The following TMEM117 variants were observed in gnomAD, a reference collection of about 807,000 sequenced individuals.
The protein encoded by TMEM117 is transmembrane protein 117.
Under a neutral mutation model 52.4 loss-of-function variants are expected in TMEM117, and 27 were observed. That is an observed-to-expected ratio of 0.51 (90% CI 0.38 to 0.71). The LOEUF (loss-of-function observed/expected upper bound fraction) is 0.71. Among genes scored for constraint, TMEM117 ranks in the 30% least tolerant of loss-of-function variants. The probability of loss-of-function intolerance (pLI) is 0.00; values close to 1 mark genes in which losing one functional copy is unlikely to be tolerated. For missense variants in TMEM117, 556 were observed against 630.5 expected, an observed-to-expected ratio of 0.88 and a Z score of 1.26; for synonymous variants, 215 against 206.3, an observed-to-expected ratio of 1.04 and a Z score of -0.36.
chr12:44,159,732 A>G (rs1439281006), intron 4 of TMEM117, among the ~76,000 whole-genome samples: 1 of 152,188 alleles, frequency 6.6e-6, no homozygotes, highest in African/African-American at 2.4e-5. Context: ...CTCCGTAAAC[A>G]TGCCATTAAA....
rs11608369 is a variant in TMEM117, at chr12:44,213,252, C to G, written c.608+1865C>G. 6.2e-3 allele frequency among the ~76,000 whole-genome samples: 939 copies of G among 152,242 alleles called. 12 individuals carry two copies. Among genetic ancestry groups the G allele is most frequent in the Non-Finnish European group, 6.0e-3 (406 of 68,022 alleles). On this transcript the variant is annotated intron_variant, in intron 5 of 7. Transcript: ENST00000266534. ...TTGTTATAGGCATAGTTCTCTGACT[C>G]CAGAGCCCTAGTTTGTAATTATTAC...
At chr12:44,253,101 ATATGT>A (rs1473532828) in intron 5 of TMEM117, among the ~76,000 whole-genome samples, 5 of 152,206 alleles carry the variant, frequency 3.3e-5, no homozygotes, top group Admixed American at 3.3e-4. Flanking sequence ...GTTTAAAATG[ATATGT>A]TTCTAACATT....
chr12:43,838,925 A>G (rs1007179937), intron 1 of TMEM117, among the ~76,000 whole-genome samples: 6 of 152,090 alleles, frequency 3.9e-5, no homozygotes, highest in Non-Finnish European at 7.4e-5. Context: ...AAAAGCACTA[A>G]AAAGTGTTAA....
chr12:44,210,245 G>A (rs7961974), intron 4 of TMEM117, among the ~76,000 whole-genome samples: 36,810 of 151,954 alleles, frequency 0.24, 7,882 homozygotes, highest in African/African-American at 0.58. Flanking sequence ...TTTTCTGGGA[G>A]TGGAAAAAAT....
intron 2 of TMEM117, among the ~76,000 whole-genome samples, chr12:43,902,198 A>C (rs1944315236): frequency 6.6e-6 from 1 of 152,198 alleles, no homozygotes; most frequent in African/African-American, 2.4e-5. Context: ...CATGTCCTTG[A>C]GTGAGGGAGG....
At chr12:44,374,671 A>T (rs377250089) in intron 6 of TMEM117, among the ~76,000 whole-genome samples, 4 of 147,286 alleles carry the variant, frequency 2.7e-5, no homozygotes, top group African/African-American at 5.1e-5. Context: ...TGTGTATGAG[A>T]TTTTTATCAT....
chr12:44,058,333 A>G lies in TMEM117; in HGVS notation c.411-85192A>G, dbSNP rs559452012. ...TGAAACCTGTATTTTCTGGCTGAAC[A>G]TGATCTTCTGTAATCACAATAGAAA... On this transcript the variant is annotated intron_variant, in intron 3 of 7. Coordinates refer to ENST00000266534, the MANE Select transcript of TMEM117 (RefSeq NM_032256.3). Among the ~76,000 whole-genome samples the G allele has an allele frequency of 8.3e-4, 127 of 152,328 alleles. 1 individual carries two copies. The highest frequency in any genetic ancestry group is 2.9e-3 in the African/African-American group (120 of 41,586).
intron 3 of TMEM117, among the ~76,000 whole-genome samples, chr12:44,010,513 T>C (rs1946273051): frequency 1.3e-5 from 2 of 151,674 alleles, no homozygotes; most frequent in Admixed American, 1.3e-4. Context: ...CCAGATTCAC[T>C]ATTCCTCGGT....
intron 3 of TMEM117, among the ~76,000 whole-genome samples, chr12:44,127,336 C>T (rs1420563920): frequency 2.6e-5 from 4 of 151,450 alleles, no homozygotes; most frequent in African/African-American, 4.9e-5. Flanking sequence ...CAAATCTAGG[C>T]GTTGTTTTGA....
intron 6 of TMEM117, among the ~76,000 whole-genome samples, chr12:44,364,570 G>T (rs1326761409): frequency 2.0e-5 from 3 of 151,950 alleles, no homozygotes; most frequent in Non-Finnish European, 2.9e-5. Flanking sequence ...AATGATTAAT[G>T]ATTTTTATAT....
Position 44,054,439 on chromosome 12 carries a change from GA to G in TMEM117, c.411-89083del, listed in dbSNP as rs1377369167. Among the ~76,000 whole-genome samples, 23 of 152,258 alleles carry G rather than the reference GA, an allele frequency of 1.5e-4. No homozygotes were observed. The East Asian group carries it at 4.2e-3, about 28-fold the overall frequency. On this transcript the variant is annotated intron_variant, in intron 3 of 7. Coordinates refer to ENST00000266534, the MANE Select transcript of TMEM117 (RefSeq NM_032256.3). Reference sequence around the variant, plus strand: ...CCTGAATATATGAACAATCGGTTTTGAAATTCAACTGAACTGTGTCACAGTG... The same window carrying G: ...CCTGAATATATGAACAATCGGTTTTGAATTCAACTGAACTGTGTCACAGTG...
intron 3 of TMEM117, among the ~76,000 whole-genome samples, chr12:44,132,719 C>A (rs879306545): frequency 6.6e-6 from 1 of 151,852 alleles, no homozygotes. Context: ...TTTTTAAATT[C>A]CTACATTGTC....
intron 3 of TMEM117, among the ~76,000 whole-genome samples, chr12:44,081,523 G>A (rs1018219165): frequency 3.3e-5 from 5 of 152,024 alleles, no homozygotes; most frequent in Admixed American, 6.6e-5. Flanking sequence ...GTGATCATCC[G>A]TTTATACATT....
chr12:44,345,069 C>T (rs567469267), intron 6 of TMEM117, among the ~76,000 whole-genome samples: 9 of 151,978 alleles, frequency 5.9e-5, no homozygotes, highest in Admixed American at 4.6e-4. Context: ...ATGAGATTTC[C>T]AAGCTACAGG....
intron 2 of TMEM117, among the ~76,000 whole-genome samples, chr12:43,863,583 T>G (rs1216183514): frequency 1.3e-5 from 2 of 152,208 alleles, no homozygotes; most frequent in Non-Finnish European, 2.9e-5. Flanking sequence ...GAGCAAATCT[T>G]AGAAAGGGCA....
chr12:44,377,924 A>G (rs1324663675), intron 7 of TMEM117, among the ~76,000 whole-genome samples: 1 of 152,234 alleles, frequency 6.6e-6, no homozygotes, highest in South Asian at 2.1e-4. Flanking sequence ...GGGAAGATGC[A>G]GCAGGTTTCT....
intron 5 of TMEM117, among the ~76,000 whole-genome samples, chr12:44,257,629 A>C (rs1008789088): frequency 3.9e-5 from 6 of 152,156 alleles, no homozygotes; most frequent in African/African-American, 1.4e-4. Flanking sequence ...TATAGATTTC[A>C]TTGTAAATCA....
chr12:44,360,471 G>A (rs888902349), intron 6 of TMEM117, among the ~76,000 whole-genome samples: 13 of 151,746 alleles, frequency 8.6e-5, no homozygotes, highest in African/African-American at 3.1e-4. Flanking sequence ...GGAGGCTGAG[G>A]CAGGAGAATT....
At chr12:44,126,008 A>T (rs1252741762) in intron 3 of TMEM117, among the ~76,000 whole-genome samples, 1 of 152,108 alleles carries the variant, frequency 6.6e-6, no homozygotes, top group Non-Finnish European at 1.5e-5. Flanking sequence ...TTCAGTTTCC[A>T]TGTAGTATAT....
Sources: gnomAD v4.1 joint callset for allele counts (sites outside exome capture counted in the v4.1 genomes callset) on GRCh38, gnomAD v4.1.1 for gene constraint, MANE v1.5 for transcripts, NCBI Gene and HGNC (gene_info 2026-07-23, HGNC 2026-07-21) for gene names.